The following VPS8 variants were observed in gnomAD, a reference collection of about 807,000 sequenced individuals.
VPS8 encodes the protein VPS8 subunit of CORVET complex.
In VPS8, 129 loss-of-function variants were observed where a neutral mutation model predicts 216.4. That is an observed-to-expected ratio of 0.60 (90% confidence interval 0.52 to 0.69). The LOEUF (loss-of-function observed/expected upper bound fraction) is 0.69, where lower values mean the gene tolerates loss of function less well. Ranked by LOEUF, VPS8 falls within the 30% of genes least tolerant of loss-of-function variation. The pLI is 0.00. For synonymous variants in VPS8, 571 were observed against 565.4 expected (o/e 1.01, Z -0.14); for missense variants, 1,531 against 1,683.5 (o/e 0.91, Z 1.59).
chr3:185,002,338 T>C (rs1753529281), intron 45 of VPS8, among the ~76,000 whole-genome samples: 1 of 152,208 alleles, frequency 6.6e-6, no homozygotes, highest in Non-Finnish European at 1.5e-5. Context: ...TTGGTTGCCC[T>C]CTTCCTATGT....
At chr3:185,020,468 G>T (rs1756486659) in intron 45 of VPS8, among the ~76,000 whole-genome samples, 1 of 144,942 alleles carries the variant, frequency 6.9e-6, no homozygotes. Context: ...TAAAATTAAG[G>T]CTTTTTTTTT....
intron 42 of VPS8, among the ~76,000 whole-genome samples, chr3:184,989,736 T>C (rs1226370878): frequency 6.6e-6 from 1 of 152,094 alleles, no homozygotes; most frequent in Non-Finnish European, 1.5e-5. Context: ...CTGTGTCTGG[T>C]TTTGGTATTA....
At chr3:184,936,109 G>A (rs972856614) in intron 34 of VPS8, 137 bp from the exon 35 acceptor site, 4 of 569,938 alleles carry the variant, frequency 7.0e-6, no homozygotes, top group African/African-American at 1.9e-5. Flanking sequence ...TTTAAATTGA[G>A]GCCCTATATC....
At chr3:184,998,462 A>G (rs899438381) in intron 44 of VPS8, among the ~76,000 whole-genome samples, 1 of 85,556 alleles carries the variant, frequency 1.2e-5, no homozygotes, top group Non-Finnish European at 2.7e-5. Context: ...ACAACAACAG[A>G]GTATAGAAGA....
At chr3:185,021,469 A>G (rs1037809082) in intron 45 of VPS8, among the ~76,000 whole-genome samples, 3 of 152,196 alleles carry the variant, frequency 2.0e-5, no homozygotes, top group African/African-American at 7.2e-5. Flanking sequence ...AGATTCTTTC[A>G]TGAGGTCACT....
intron 46 of VPS8, among the ~76,000 whole-genome samples, chr3:185,047,344 G>C (rs1053335963): frequency 5.3e-5 from 8 of 151,086 alleles, no homozygotes; most frequent in African/African-American, 2.0e-4. Flanking sequence ...TGTAGCTATA[G>C]TCATTATCCC....
intron 25 of VPS8, among the ~76,000 whole-genome samples, chr3:184,911,665 A>G (rs114789679): frequency 1.3e-5 from 2 of 151,736 alleles, no homozygotes; most frequent in Non-Finnish European, 2.9e-5. Flanking sequence ...CTGTTTTTAG[A>G]CTCTCCCTTT....
chr3:184,844,956 G>A (rs78553235), intron 8 of VPS8, among the ~76,000 whole-genome samples: 2,818 of 152,280 alleles, frequency 0.019, 95 homozygotes, highest in African/African-American at 0.064. Context: ...TATAAGAAAG[G>A]TGATAGTCTC....
rs549474797 is a variant in VPS8, at chr3:184,840,719, T to A, written c.535+967T>A. The stretch of plus-strand genomic sequence containing the variant: ...ACAGTGAGACTCCACCTCAAAAAAA[T>A]AATAATAATAATAAACAAAAAACTA... On this transcript the variant is annotated intron_variant, in intron 7 of 47. Transcript: ENST00000625842. Among the ~76,000 whole-genome samples the A allele has an allele frequency of 4.9e-4, 74 of 151,724 alleles. 1 individual carries two copies. The East Asian group carries it at 8.9e-3, about 18-fold the overall frequency.
At position 184,886,136 on chromosome 3, in the gene VPS8, C is replaced by T; in HGVS notation, c.1761C>T (p.Tyr587=). ...ATATGGTGCCTGTCATAGTTGATTA[C>T]TGCCTTCTGCTGCAGCGAAAGTGAG... is the stretch of plus-strand genomic sequence containing the variant. ...FQDMVPVIVD[Y]CLLLQRKDLL... The change falls in exon 22 of 48, where the codon TAC becomes TAT. Residue 587 remains tyrosine (Y), a synonymous_variant. Transcript: ENST00000625842. The T allele has an allele frequency of 6.2e-7, 1 of 1,609,288 alleles. No individual in the cohort carries two copies. The highest frequency in any genetic ancestry group is 8.5e-7 in the Non-Finnish European group (1 of 1,177,714).
At chr3:184,876,662 C>A (rs1168343048) in intron 21 of VPS8, among the ~76,000 whole-genome samples, 1 of 152,148 alleles carries the variant, frequency 6.6e-6, no homozygotes, top group East Asian at 1.9e-4. Context: ...GTGAGTGGAT[C>A]CACCATGCAC....
At chr3:185,043,506 A>T (rs1341812059) in intron 46 of VPS8, among the ~76,000 whole-genome samples, 1 of 152,210 alleles carries the variant, frequency 6.6e-6, no homozygotes, top group South Asian at 2.1e-4. Flanking sequence ...AATTAGTGTC[A>T]GAGCCAAGTT....
chr3:184,944,910 T>C (rs1296237057), intron 36 of VPS8, among the ~76,000 whole-genome samples: 2 of 152,190 alleles, frequency 1.3e-5, no homozygotes, highest in African/African-American at 4.8e-5. Context: ...ACACTCAGTA[T>C]TGAAATAATA....
intron 3 of VPS8, among the ~76,000 whole-genome samples, chr3:184,830,395 C>CTTAT (rs919578409): frequency 7.3e-5 from 11 of 151,554 alleles, no homozygotes; most frequent in East Asian, 3.9e-4. Context: ...TCAAGATTGC[C>CTTAT]TTATTTATTT....
At position 184,996,391 on chromosome 3, in the gene VPS8, C is replaced by A; in HGVS notation, c.3726C>A (p.Asn1242Lys). Residue 1242 changes from asparagine to lysine, a missense_variant, in exon 44 of 48, where the codon AAC becomes AAA. Coordinates refer to ENST00000625842, the MANE Select transcript of VPS8 (RefSeq NM_001009921.3). ...AAGATCTCCATTGGTCATTGTGTAACCTGAGAGCTTCGGTCACCAGAGGAC... is the reference window on the plus strand; with the variant it reads ...AAGATCTCCATTGGTCATTGTGTAAACTGAGAGCTTCGGTCACCAGAGGAC... Reference protein sequence around the residue: ...LNQDLHWSLCNLRASVTRGLN... With the variant: ...LNQDLHWSLCKLRASVTRGLN... 6.2e-7 allele frequency: 1 copy of A among 1,613,838 alleles called. No individual in the cohort carries two copies. The highest frequency in any genetic ancestry group is 8.5e-7 in the Non-Finnish European group (1 of 1,179,820).
chr3:184,923,949 A>G (rs1339119442), intron 29 of VPS8, among the ~76,000 whole-genome samples: 1 of 152,194 alleles, frequency 6.6e-6, no homozygotes, highest in East Asian at 1.9e-4. Flanking sequence ...GTGCCCTTAT[A>G]ATAGCAGTCA....
chr3:185,043,165 T>C (rs1008606559), intron 46 of VPS8, among the ~76,000 whole-genome samples: 3 of 152,182 alleles, frequency 2.0e-5, no homozygotes, highest in African/African-American at 7.2e-5. Context: ...GAGCACCTTA[T>C]GTTTGTCACT....
Position 184,926,661 on chromosome 3 carries a change from C to G in VPS8, c.2631+11C>G. ...TCTGAAAGACAGCAGGTATGAACTACTAGAACTCTTTTTGCTAAAAAATAG... is the reference window on the plus strand; with the variant it reads ...TCTGAAAGACAGCAGGTATGAACTAGTAGAACTCTTTTTGCTAAAAAATAG... On this transcript the variant is annotated intron_variant, in intron 31 of 47. Coordinates refer to ENST00000625842, the MANE Select transcript of VPS8 (RefSeq NM_001009921.3). 1.3e-6 allele frequency: 2 copies of G among 1,594,340 alleles called. No homozygotes were observed. The highest frequency in any genetic ancestry group is 1.7e-6 in the Non-Finnish European group (2 of 1,170,232).
At chr3:184,926,359 A>T (rs1278224841) in intron 30 of VPS8, among the ~76,000 whole-genome samples, 1 of 146,762 alleles carries the variant, frequency 6.8e-6, no homozygotes, top group Non-Finnish European at 1.5e-5. Context: ...CCTGGGCGAC[A>T]GAGTGAGACT....
Sources: allele counts gnomAD v4.1 joint callset (sites outside exome capture counted in the v4.1 genomes callset), GRCh38; gene constraint gnomAD v4.1.1; transcripts MANE v1.5; gene names NCBI Gene and HGNC (gene_info 2026-07-23, HGNC 2026-07-21).